DYNC2H1: variants seen among roughly 807,000 people sequenced by gnomAD.
The protein encoded by DYNC2H1 is dynein cytoplasmic 2 heavy chain 1.
In DYNC2H1, 410 loss-of-function variants were observed where a neutral mutation model predicts 570.0. That is an observed-to-expected ratio of 0.72 (90% CI 0.66 to 0.78). The LOEUF (loss-of-function observed/expected upper bound fraction) is 0.78. Among genes scored for constraint, DYNC2H1 ranks in the 30% least tolerant of loss-of-function variants. The pLI is 0.00. For synonymous variants in DYNC2H1, 1,688 were observed against 1,677.6 expected (o/e 1.01, Z -0.15); for missense variants, 4,865 against 5,046.4 (o/e 0.96, Z 1.09).
chr11:103,447,021 G>C (rs575117), intron 85 of DYNC2H1, among the ~76,000 whole-genome samples: 54,072 of 151,850 alleles, frequency 0.36, 10,212 homozygotes, highest in African/African-American at 0.48. Flanking sequence ...AACACCATCA[G>C]GGTTTTTAGC....
At position 103,168,836 on chromosome 11, in the gene DYNC2H1, A is replaced by G. The variant is rs765350303; in HGVS notation, c.4844A>G (p.Gln1615Arg). The G allele has an allele frequency of 2.5e-6, 4 of 1,613,380 alleles. No individual in the cohort carries two copies. In the South Asian group the frequency reaches 4.4e-5, roughly 18 times the overall value. Residue 1615 changes from glutamine to arginine, a missense_variant, in exon 32 of 89, where the codon CAA becomes CGA. By Grantham distance (43) the Gln-to-Arg change is conservative. This residue lies in a region of DYNC2H1 where 1,936 missense variants were observed against 1,962.1 expected (regional missense o/e 0.99). Coordinates refer to ENST00000375735, the MANE Select transcript of DYNC2H1 (RefSeq NM_001377.3). ...ATTGATGTGGTAAAGCAGTTAAACC[A>G]AATTCAGGTTCATACAACTGAAGAC... is the stretch of plus-strand genomic sequence containing the variant. ...HNIDVVKQLN[Q>R]IQVHTTEDWA...
rs907764819 is a variant in DYNC2H1 at position 103,461,436 on chromosome 11, C to T, written c.12648+5080C>T. 6.6e-6 allele frequency among the ~76,000 whole-genome samples: 1 copy of T among 152,116 alleles called. No homozygotes were observed. Among genetic ancestry groups the T allele is most frequent in the Non-Finnish European group, 1.5e-5 (1 of 68,038 alleles). On this transcript the variant is annotated intron_variant, in intron 87 of 88. Transcript: ENST00000375735. The surrounding 1 kb of genome is among the most constrained non-coding windows in gnomAD (Gnocchi z 4.8). ...TATGTATTGATTTTCAGTTCCTGAA[C>T]ATGGCCCTCTAAAATTCCTGCCATT...
intron 85 of DYNC2H1, among the ~76,000 whole-genome samples, chr11:103,453,591 G>A (rs1944681311): frequency 7.0e-6 from 1 of 142,110 alleles, no homozygotes; most frequent in South Asian, 2.2e-4. Context: ...GTGAAAATCT[G>A]ATTATCAGCC....
Position 103,478,902 on chromosome 11 carries a change from G to A in DYNC2H1, c.12766-193G>A, listed in dbSNP as rs187260883. On this transcript the variant is annotated intron_variant, in intron 88 of 88. Coordinates refer to ENST00000375735, the MANE Select transcript of DYNC2H1 (RefSeq NM_001377.3). ...TGTTCAAAATACTCCAATGTTTGGG[G>A]CTAGGGAGAGGTTGTAAATAAAACA... Among the ~76,000 whole-genome samples the A allele has an allele frequency of 2.0e-5, 3 of 152,250 alleles. No individual in the cohort carries two copies. The East Asian group carries it at 5.8e-4, about 29-fold the overall frequency.
At position 103,324,635 on chromosome 11, in the gene DYNC2H1, C is replaced by T. The variant is rs1938376001; in HGVS notation, c.12039+645C>T. ...CATTGATGGCCATTTAGGTTGACTC[C>T]ATATCTTTGCTATTGTGGGTAGTGC... On this transcript the variant is annotated intron_variant, in intron 82 of 88. Coordinates refer to ENST00000375735, the MANE Select transcript of DYNC2H1 (RefSeq NM_001377.3). The surrounding 1 kb of genome is among the most constrained non-coding windows in gnomAD (Gnocchi z 5.2). 6.6e-6 allele frequency among the ~76,000 whole-genome samples: 1 copy of T among 152,154 alleles called. No homozygotes were observed. The highest frequency in any genetic ancestry group is 6.5e-5 in the Admixed American group (1 of 15,278).
At chr11:103,158,436 G>A (rs1009081253) in intron 26 of DYNC2H1, among the ~76,000 whole-genome samples, 2 of 152,054 alleles carry the variant, frequency 1.3e-5, no homozygotes, top group Non-Finnish European at 2.9e-5. Flanking sequence ...GAGACAGAGC[G>A]AGACTCCATC....
At position 103,121,086 on chromosome 11, in the gene DYNC2H1, A is replaced by G. The variant is rs755398629; in HGVS notation, c.1360+50A>G. The G allele has an allele frequency of 8.9e-6, 11 of 1,239,214 alleles. No individual in the cohort carries two copies. The South Asian group carries it at 2.0e-4, about 22-fold the overall frequency. The allele number at this position is 1,239,214 out of a possible 1,614,324, so 76.8% of individuals were successfully genotyped here. Reference sequence around the variant, plus strand: ...TTTGCTTGAGAGAATATTTTTGTATATTACTTTTTTCTTCGTTGCATACCA... The same window carrying G: ...TTTGCTTGAGAGAATATTTTTGTATGTTACTTTTTTCTTCGTTGCATACCA... On this transcript the variant is annotated intron_variant, in intron 9 of 88. Transcript: ENST00000375735.
chr11:103,200,240 G>A (rs957307208), intron 50 of DYNC2H1, 86 bp downstream of exon 50: 1 of 1,063,850 alleles, frequency 9.4e-7, no homozygotes, highest in Non-Finnish European at 1.4e-6. Flanking sequence ...AAATTTATTT[G>A]TTTTGGAGAA....
intron 84 of DYNC2H1, chr11:103,409,565 G>A (rs1942998246): frequency 6.6e-6 from 1 of 152,274 alleles, no homozygotes; most frequent in Non-Finnish European, 1.5e-5. Flanking sequence ...AGGGGACTAA[G>A]TAATTCTGTG....
At chr11:103,312,595 GTTTACATA>G (rs1261194208) in intron 79 of DYNC2H1, among the ~76,000 whole-genome samples, 62 of 148,192 alleles carry the variant, frequency 4.2e-4, no homozygotes, top group South Asian at 1.9e-3. Context: ...AAATAGCTAG[GTTTACATA>G]TTTACATATT....
intron 69 of DYNC2H1, among the ~76,000 whole-genome samples, chr11:103,258,587 C>T (rs760209179): frequency 5.3e-5 from 8 of 152,136 alleles, no homozygotes; most frequent in Non-Finnish European, 1.0e-4. Context: ...GAGGACTTGA[C>T]GACAGGACTG....
chr11:103,210,064 A>G, intron 53 of DYNC2H1, 104 bp downstream of exon 53: 1 of 1,256,426 alleles, frequency 8.0e-7, no homozygotes, highest in South Asian at 1.7e-5. Flanking sequence ...AAATTTGAAT[A>G]ATGCTAAGTG....
intron 69 of DYNC2H1, among the ~76,000 whole-genome samples, chr11:103,258,254 G>C (rs562151974): frequency 1.3e-5 from 2 of 152,294 alleles, no homozygotes; most frequent in South Asian, 4.1e-4. Context: ...TTTAAAAAGT[G>C]TATTAGTGTA....
intron 17 of DYNC2H1, among the ~76,000 whole-genome samples, chr11:103,141,441 G>A (rs1307825173): frequency 6.6e-6 from 1 of 152,162 alleles, no homozygotes; most frequent in African/African-American, 2.4e-5. Context: ...CTCAACTGTA[G>A]GTCTGTTGGA....
chr11:103,129,979 G>A lies in DYNC2H1; in HGVS notation c.1953+974G>A, dbSNP rs916633712. Among the ~76,000 whole-genome samples the A allele has an allele frequency of 1.3e-5, 2 of 152,154 alleles. No individual in the cohort carries two copies. Among genetic ancestry groups the A allele is most frequent in the Non-Finnish European group, 2.9e-5 (2 of 68,034 alleles). On this transcript the variant is annotated intron_variant, in intron 13 of 88. Coordinates refer to ENST00000375735, the MANE Select transcript of DYNC2H1 (RefSeq NM_001377.3). The surrounding 1 kb of genome is among the most constrained non-coding windows in gnomAD (Gnocchi z 4.1). ...CATAGCAGTATTTATTACGGTGAATGCATACAAAGCAAAATCAGCAAAGGG... is the reference window on the plus strand; with the variant it reads ...CATAGCAGTATTTATTACGGTGAATACATACAAAGCAAAATCAGCAAAGGG...
chr11:103,282,859 C>A, intron 72 of DYNC2H1, 149 bp from the exon 73 acceptor site: 1 of 565,466 alleles, frequency 1.8e-6, no homozygotes, highest in Non-Finnish European at 3.1e-6. Context: ...TAGAATTTTA[C>A]CATGGTGACT....
chr11:103,314,078 T>A (rs1327802939), intron 79 of DYNC2H1, among the ~76,000 whole-genome samples: 2 of 152,160 alleles, frequency 1.3e-5, no homozygotes, highest in South Asian at 2.1e-4. Flanking sequence ...ATTTTATTAT[T>A]AAGTTATATA....
intron 67 of DYNC2H1, 114 bp from the exon 68 acceptor site, chr11:103,255,992 C>T (rs1038196469): frequency 1.7e-5 from 16 of 929,424 alleles, no homozygotes; most frequent in Admixed American, 3.5e-5. Flanking sequence ...TGAAATTCTT[C>T]TAAAATAACA....
intron 83 of DYNC2H1, among the ~76,000 whole-genome samples, chr11:103,374,090 T>C (rs975128782): frequency 5.9e-5 from 9 of 152,310 alleles, no homozygotes; most frequent in Admixed American, 2.0e-4. Flanking sequence ...AGGCAACATA[T>C]AGTAGGGTCT....
Sources: allele counts gnomAD v4.1 joint callset (sites outside exome capture counted in the v4.1 genomes callset), GRCh38; gene constraint gnomAD v4.1.1; regional missense constraint gnomAD v4.1.1; non-coding constraint Gnocchi (gnomAD v3.1); transcripts MANE v1.5; gene names NCBI Gene and HGNC (gene_info 2026-07-23, HGNC 2026-07-21).